CRYZ: variants seen among roughly 807,000 people sequenced by gnomAD.
CRYZ encodes the protein zeta-crystallin.
CRYZ carries 35 observed loss-of-function variants against 34.1 expected under a neutral mutation model. That is an observed-to-expected ratio of 1.03 (90% CI 0.78 to 1.36). The LOEUF (loss-of-function observed/expected upper bound fraction) is 1.36. Ranked by LOEUF, CRYZ falls within the 40% of genes most tolerant of loss-of-function variation. The pLI is 0.00. For missense variants in CRYZ, 403 were observed against 391.8 expected, an observed-to-expected ratio of 1.03 and a Z score of -0.24; for synonymous variants, 137 against 136.5, an observed-to-expected ratio of 1.00 and a Z score of -0.03.
chr1:74,722,981 C>T, intron 3 of CRYZ, 137 bp downstream of exon 3: 1 of 767,384 alleles, frequency 1.3e-6, no homozygotes, highest in African/African-American at 1.8e-5. Flanking sequence ...CCTTTTTTGA[C>T]TAGAGGAGTC....
Position 74,706,937 on chromosome 1 carries a change from A to T in CRYZ, c.790T>A (p.Ser264Thr). The change falls in exon 8 of 9, where the codon TCG becomes ACG. Residue 264 changes from serine (S) to threonine (T), a missense_variant. Physicochemically the swap from Ser to Thr is moderately conservative, Grantham distance 58 (BLOSUM62 1). Transcript: ENST00000340866. The stretch of plus-strand genomic sequence containing the variant: ...AAGAGAGTAACTCCAATTATACTCG[A>T]CTCCTTTGCCATGGTGTCTCGTGGG... The part of the protein sequence containing the change: ...INPRDTMAKE[S>T]SIIGVTLFSS... The T allele has an allele frequency of 6.2e-7, 1 of 1,612,226 alleles. No individual in the cohort carries two copies. The highest frequency in any genetic ancestry group is 8.5e-7 in the Non-Finnish European group (1 of 1,179,082).
intron 1 of CRYZ, among the ~76,000 whole-genome samples, chr1:74,727,819 G>C (rs571751945): frequency 6.6e-6 from 1 of 152,174 alleles, no homozygotes; most frequent in South Asian, 2.1e-4. Flanking sequence ...AGAGCCAAAT[G>C]ATATTACCCA....
intron 4 of CRYZ, among the ~76,000 whole-genome samples, 186 bp downstream of exon 4, chr1:74,719,023 C>G (rs1274744674): frequency 1.3e-5 from 2 of 152,120 alleles, no homozygotes; most frequent in African/African-American, 2.4e-5. Context: ...AGTGTTTGCT[C>G]TTCTTTGTAT....
intron 1 of CRYZ, among the ~76,000 whole-genome samples, chr1:74,728,106 G>T (rs1244271325): frequency 1.3e-5 from 2 of 152,122 alleles, no homozygotes; most frequent in East Asian, 3.9e-4. Flanking sequence ...ATTTGAAAAA[G>T]AATTCTACAA....
Position 74,710,233 on chromosome 1 carries a change from T to A in CRYZ, c.495A>T (p.Ala165=). The change falls in exon 6 of 9, where the codon GCA becomes GCT. Residue 165 remains alanine, a synonymous_variant. Coordinates refer to ENST00000340866, the MANE Select transcript of CRYZ (RefSeq NM_001889.4). ...AGCCATAAGCTCTAGCAATTTGGCA[T>A]GCTGCTAATCCAACCTGAAAAACAA... The part of the protein sequence containing the change: ...HGASGGVGLA[A]CQIARAYGLK... 1 of 1,613,798 alleles carries A rather than the reference T, an allele frequency of 6.2e-7. No individual in the cohort carries two copies. Among genetic ancestry groups the A allele is most frequent in the Non-Finnish European group, 8.5e-7 (1 of 1,179,810 alleles).
At chr1:74,720,442 A>G (rs753644483) in intron 3 of CRYZ, among the ~76,000 whole-genome samples, 26 of 152,228 alleles carry the variant, frequency 1.7e-4, no homozygotes, top group Admixed American at 3.3e-4. Flanking sequence ...TAGGCCAGGC[A>G]TTATTGGGCC....
At position 74,728,901 on chromosome 1, in the gene CRYZ, G is replaced by A. The variant is rs575981945; in HGVS notation, c.-14+4055C>T. Among the ~76,000 whole-genome samples the A allele has an allele frequency of 6.6e-5, 10 of 152,262 alleles. No individual in the cohort carries two copies. The South Asian group carries it at 2.1e-3, about 32-fold the overall frequency. On this transcript the variant is annotated intron_variant, in intron 1 of 8. Transcript: ENST00000340866. ...CCTACGGCATAAACACTGCACTTTA[G>A]AACAGCTTGGCAGTCTCTGACGGGG...
chr1:74,720,755 GATTTC>G (rs1407621600), intron 3 of CRYZ, among the ~76,000 whole-genome samples: 6 of 152,006 alleles, frequency 3.9e-5, no homozygotes, highest in African/African-American at 1.2e-4. Flanking sequence ...ATGTTGAATT[GATTTC>G]AATATAATTC....
rs1182845605 is a variant in CRYZ at position 74,732,939 on chromosome 1, T to C, written c.-14+17A>G. 2.7e-6 allele frequency: 1 copy of C among 366,728 alleles called. No homozygotes were observed. Among genetic ancestry groups the C allele is most frequent in the Non-Finnish European group, 4.9e-6 (1 of 202,348 alleles). 22.7% of individuals were successfully genotyped at this position (366,728 alleles called of 1,614,324 possible). A position where few individuals can be genotyped will look rare whatever the true frequency, so the allele number is the denominator to read the frequency against. Reference sequence around the variant, plus strand: ...TCGCTGTCTAAACAACTAAGGAGAGTTTTTAAAACCACTTACCAGAATCTA... The same window carrying C: ...TCGCTGTCTAAACAACTAAGGAGAGCTTTTAAAACCACTTACCAGAATCTA... On this transcript the variant is annotated intron_variant, in intron 1 of 8. Transcript: ENST00000340866.
intron 1 of CRYZ, among the ~76,000 whole-genome samples, chr1:74,731,147 T>C (rs1019262004): frequency 2.0e-5 from 3 of 152,220 alleles, no homozygotes; most frequent in Non-Finnish European, 4.4e-5. Flanking sequence ...ATTTTACCTC[T>C]GAAAGGTTGC....
intron 5 of CRYZ, 55 bp from the exon 6 acceptor site, chr1:74,710,302 T>C: frequency 6.6e-7 from 1 of 1,524,098 alleles, no homozygotes; most frequent in Non-Finnish European, 8.9e-7. Flanking sequence ...CTGTAAACAC[T>C]TAAATACATA....
intron 8 of CRYZ, 66 bp from the exon 9 acceptor site, chr1:74,706,523 A>T: frequency 3.6e-6 from 5 of 1,408,042 alleles, no homozygotes; most frequent in Non-Finnish European, 4.8e-6. Flanking sequence ...AGAAGCATTA[A>T]AAACACTTCA....
chr1:74,732,312 G>C (rs965591967), intron 1 of CRYZ, among the ~76,000 whole-genome samples: 19 of 148,218 alleles, frequency 1.3e-4, no homozygotes, highest in African/African-American at 4.2e-4. Flanking sequence ...CTGTGGGAAG[G>C]AGCCCTACCT....
chr1:74,713,834 T>G (rs570666895), intron 5 of CRYZ, among the ~76,000 whole-genome samples: 1 of 152,258 alleles, frequency 6.6e-6, no homozygotes, highest in Admixed American at 6.5e-5. Context: ...TCTCCAAAAT[T>G]TCCAAAGCAT....
intron 7 of CRYZ, 27 bp from the exon 8 acceptor site, chr1:74,707,021 G>A (rs200851029): frequency 1.3e-6 from 2 of 1,593,458 alleles, no homozygotes; most frequent in African/African-American, 1.4e-5. Flanking sequence ...CAATTCTACA[G>A]TTAAAGATTA....
At chr1:74,709,200 G>A (rs1430409362) in intron 6 of CRYZ, among the ~76,000 whole-genome samples, 1 of 152,132 alleles carries the variant, frequency 6.6e-6, no homozygotes, top group Non-Finnish European at 1.5e-5. Context: ...GAATGGGAGA[G>A]ACTTAAGCAG....
chr1:74,729,884 G>A (rs1477073542), intron 1 of CRYZ, among the ~76,000 whole-genome samples: 1 of 152,128 alleles, frequency 6.6e-6, no homozygotes, highest in Non-Finnish European at 1.5e-5. Flanking sequence ...ATGAAGTGGT[G>A]TGTTAAACTC....
chr1:74,722,260 A>C (rs1214340419), intron 3 of CRYZ, among the ~76,000 whole-genome samples: 1 of 152,134 alleles, frequency 6.6e-6, no homozygotes, highest in Non-Finnish European at 1.5e-5. Flanking sequence ...GCTGCAGAAA[A>C]AGTTTAAAGA....
At position 74,706,225 on chromosome 1, in the gene CRYZ, G is replaced by T; in HGVS notation, c.*71C>A. The stretch of plus-strand genomic sequence containing the variant: ...GGAATCGAATGTTAATTAAAGAAAA[G>T]ATAGGGTAAGTACAACTGGGGGAAA... On this transcript the variant is annotated 3_prime_UTR_variant, in exon 9 of 9. Coordinates refer to ENST00000340866, the MANE Select transcript of CRYZ (RefSeq NM_001889.4). 1 of 1,255,936 alleles carries T rather than the reference G, an allele frequency of 8.0e-7. No homozygotes were observed. The highest frequency in any genetic ancestry group is 1.1e-6 in the Non-Finnish European group (1 of 931,892). 77.8% of individuals were successfully genotyped at this position (1,255,936 alleles called of 1,614,324 possible).
Sources: gnomAD v4.1 joint callset for allele counts (sites outside exome capture counted in the v4.1 genomes callset) on GRCh38, gnomAD v4.1.1 for gene constraint, MANE v1.5 for transcripts, NCBI Gene and HGNC (gene_info 2026-07-23, HGNC 2026-07-21) for gene names.